ENGASE: variants seen among roughly 807,000 people sequenced by gnomAD.
ENGASE encodes the protein cytosolic endo-beta-N-acetylglucosaminidase.
Under a neutral mutation model 78.5 loss-of-function variants are expected in ENGASE, and 69 were observed. That is an observed-to-expected ratio of 0.88 (90% confidence interval 0.72 to 1.07). The LOEUF (loss-of-function observed/expected upper bound fraction) is 1.07, where lower values mean the gene tolerates loss of function less well. ENGASE is among the 50% of genes least tolerant of loss of function. The pLI is 0.00. For synonymous variants in ENGASE, 408 were observed against 408.9 expected, an observed-to-expected ratio of 1.00 and a Z score of 0.03; for missense variants, 943 against 988.4, an observed-to-expected ratio of 0.95 and a Z score of 0.62.
chr17:79,086,760 A>G lies in ENGASE; in HGVS notation c.*411A>G, dbSNP rs2073324687. 1 of 367,198 alleles carries G rather than the reference A, an allele frequency of 2.7e-6. No individual in the cohort carries two copies. Among genetic ancestry groups the G allele is most frequent in the Admixed American group, 3.7e-5 (1 of 27,222 alleles). 22.7% of individuals were successfully genotyped at this position (367,198 alleles called of 1,614,324 possible). On this transcript the variant is annotated 3_prime_UTR_variant, in exon 14 of 14. Coordinates refer to ENST00000579016, the MANE Select transcript of ENGASE (RefSeq NM_001042573.3). ...ATGAAACTATTAGAAAGGGTCTTAG[A>G]TTGTGGCAGGTAGGCTTTGGAGCAG...
At chr17:79,082,616 G>A (rs60634179) in intron 7 of ENGASE, 22 of 1,284,012 alleles carry the variant, frequency 1.7e-5, no homozygotes, top group African/African-American at 1.1e-4. Context: ...AGTCCTGCCC[G>A]TTCCCAGAGC....
chr17:79,081,723 C>T (rs903274568), intron 6 of ENGASE, among the ~76,000 whole-genome samples, 175 bp from the exon 7 acceptor site: 1 of 116,996 alleles, frequency 8.5e-6, no homozygotes, highest in African/African-American at 3.3e-5. Flanking sequence ...TCCCTCTGGG[C>T]TCTAGGAGGG....
Position 79,084,584 on chromosome 17 carries a change from A to C in ENGASE, c.1489A>C (p.Met497Leu), listed in dbSNP as rs1336646262. 1.2e-6 allele frequency: 2 copies of C among 1,605,194 alleles called. No individual in the cohort carries two copies. Among genetic ancestry groups the C allele is most frequent in the African/African-American group, 2.7e-5 (2 of 74,220 alleles). The part of the protein sequence containing the change: ...APVPPKIYLS[M>L]VYKLEGPTDV... ...AGTGCCACCCAAGATTTACCTGTCCATGGTGTATAAGCTTGAGGGGCCCAC... is the reference window on the plus strand; with the variant it reads ...AGTGCCACCCAAGATTTACCTGTCCCTGGTGTATAAGCTTGAGGGGCCCAC... Residue 497 changes from methionine to leucine, a missense_variant, in exon 11 of 14, where the codon ATG becomes CTG. By Grantham distance (15) the Met-to-Leu change is conservative (BLOSUM62 2). Coordinates refer to ENST00000579016, the MANE Select transcript of ENGASE (RefSeq NM_001042573.3).
chr17:79,086,848 G>A lies in ENGASE; in HGVS notation c.*499G>A, dbSNP rs765114161. On this transcript the variant is annotated 3_prime_UTR_variant, in exon 14 of 14. Transcript: ENST00000579016. ...CAGCTCCTGGGGTGGGGCTGCCTGC[G>A]GGATGGCGGGAGAGGATGCCCTGGA... The A allele has an allele frequency of 9.2e-6, 4 of 435,334 alleles. No homozygotes were observed. The highest frequency in any genetic ancestry group is 2.0e-5 in the African/African-American group (1 of 49,450). The allele number at this position is 435,334 out of a possible 1,614,324, so 27.0% of individuals were successfully genotyped here.
In ENGASE at chr17:79,081,821, C is replaced by T. The variant is rs906151851; in HGVS notation, c.873-77C>T. 7.9e-6 allele frequency: 12 copies of T among 1,525,974 alleles called. No homozygotes were observed. In the South Asian group the frequency reaches 1.4e-4, roughly 18 times the overall value. The allele number at this position is 1,525,974 out of a possible 1,614,324, so 94.5% of individuals were successfully genotyped here. On this transcript the variant is annotated intron_variant, in intron 6 of 13. Coordinates refer to ENST00000579016, the MANE Select transcript of ENGASE (RefSeq NM_001042573.3). ...CCTCTGAGTACTAGGAGGGGAAAGG[C>T]TGAGACTGCAGGGTTGGTGGGGGTG...
Position 79,080,839 on chromosome 17 carries a change from TCC to T in ENGASE, c.724-82_724-81del, listed in dbSNP as rs1387209838. 1.3e-5 allele frequency: 19 copies of T among 1,498,642 alleles called. No individual in the cohort carries two copies. In the East Asian group the frequency reaches 2.9e-4, roughly 23 times the overall value. 92.8% of individuals were successfully genotyped at this position (1,498,642 alleles called of 1,614,324 possible). ...CGCCTGTGGGTCTGTTTGCTCTGCA[TCC>T]CCCTGTCTGTCCAGCGCTGGATACT... On this transcript the variant is annotated intron_variant, in intron 5 of 13. Transcript: ENST00000579016.
intron 10 of ENGASE, 23 bp from the exon 11 acceptor site, chr17:79,084,515 C>A: frequency 6.5e-7 from 1 of 1,549,836 alleles, no homozygotes; most frequent in Non-Finnish European, 8.7e-7. Flanking sequence ...CCACGGCACC[C>A]ATCACAGGAC....
chr17:79,076,959 G>C (rs1420372508), intron 1 of ENGASE, among the ~76,000 whole-genome samples: 2 of 152,108 alleles, frequency 1.3e-5, no homozygotes, highest in Non-Finnish European at 2.9e-5. Context: ...TGCAACCTTC[G>C]CCTCCCAGGT....
Position 79,084,589 on chromosome 17 carries a change from G to C in ENGASE, c.1494G>C (p.Val498=), listed in dbSNP as rs769039233. ...PVPPKIYLSM[V]YKLEGPTDVT... ...CACCCAAGATTTACCTGTCCATGGT[G>C]TATAAGCTTGAGGGGCCCACGGACG... Residue 498 remains valine, a synonymous_variant, in exon 11 of 14, where the codon GTG becomes GTC. Coordinates refer to ENST00000579016, the MANE Select transcript of ENGASE (RefSeq NM_001042573.3). 1 of 1,609,974 alleles carries C rather than the reference G, an allele frequency of 6.2e-7. No homozygotes were observed. The highest frequency in any genetic ancestry group is 1.7e-5 in the Admixed American group (1 of 58,722).
At position 79,077,644 on chromosome 17, in the gene ENGASE, G is replaced by A. The variant is rs1402528115; in HGVS notation, c.215-19G>A. The A allele has an allele frequency of 2.5e-6, 4 of 1,612,926 alleles. No individual in the cohort carries two copies. On this transcript the variant is annotated intron_variant, in intron 2 of 13. Transcript: ENST00000579016. ...TAATAGTTTCCATTAATTGCTCAATGTTTCTGTCCTCGGACCAGTTAGATA... is the reference window on the plus strand; with the variant it reads ...TAATAGTTTCCATTAATTGCTCAATATTTCTGTCCTCGGACCAGTTAGATA...
Position 79,083,965 on chromosome 17 carries a change from G to A in ENGASE, c.1442+14G>A, listed in dbSNP as rs765396027. The stretch of plus-strand genomic sequence containing the variant: ...TGTGGCTGTGAGGTGGGTGAGTGAC[G>A]GAGGACGGTGGGCCCACCAGCTTCT... On this transcript the variant is annotated intron_variant, in intron 10 of 13. Coordinates refer to ENST00000579016, the MANE Select transcript of ENGASE (RefSeq NM_001042573.3). The surrounding 1 kb of genome is among the most constrained non-coding windows in gnomAD (Gnocchi z 4.9). The A allele has an allele frequency of 1.4e-4, 221 of 1,605,318 alleles. 1 individual carries two copies. The highest frequency in any genetic ancestry group is 9.3e-4 in the South Asian group (84 of 90,494).
rs549013604 is a variant in ENGASE, at chr17:79,085,435, C to T, written c.1700+93C>T. On this transcript the variant is annotated intron_variant, in intron 12 of 13. Coordinates refer to ENST00000579016, the MANE Select transcript of ENGASE (RefSeq NM_001042573.3). ...GAGGGATGGAGGGGCCCTGGGCTGG[C>T]CCCCAGGTTTTGGGCAGCTCTGAGA... is the stretch of plus-strand genomic sequence containing the variant. 8.8e-4 allele frequency: 1,180 copies of T among 1,342,146 alleles called. 1 individual carries two copies. Among genetic ancestry groups the T allele is most frequent in the Non-Finnish European group, 1.1e-3 (1,078 of 987,260 alleles). The allele number at this position is 1,342,146 out of a possible 1,614,324, so 83.1% of individuals were successfully genotyped here.
At position 79,087,035 on chromosome 17, in the gene ENGASE, G is replaced by A. The variant is rs754866773; in HGVS notation, c.*686G>A. 13 of 491,138 alleles carry A rather than the reference G, an allele frequency of 2.6e-5. No individual in the cohort carries two copies. In the East Asian group the frequency reaches 5.3e-4, roughly 20 times the overall value. 30.4% of individuals were successfully genotyped at this position (491,138 alleles called of 1,614,324 possible). ...CTGAGTGTGAGGTCATCTCCGGAGC[G>A]TTTTCAGCAGCCCCTGGCTCTGCGG... is the stretch of plus-strand genomic sequence containing the variant. On this transcript the variant is annotated 3_prime_UTR_variant, in exon 14 of 14. Transcript: ENST00000579016.
chr17:79,086,822 G>T lies in ENGASE; in HGVS notation c.*473G>T, dbSNP rs2073326550. On this transcript the variant is annotated 3_prime_UTR_variant, in exon 14 of 14. Coordinates refer to ENST00000579016, the MANE Select transcript of ENGASE (RefSeq NM_001042573.3). ...TTTCTGAGCATGAGGACGAGCTACA[G>T]CAGCTCCTGGGGTGGGGCTGCCTGC... 2.4e-6 allele frequency: 1 copy of T among 412,010 alleles called. No homozygotes were observed. Among genetic ancestry groups the T allele is most frequent in the Non-Finnish European group, 4.9e-6 (1 of 204,840 alleles). The allele number at this position is 412,010 out of a possible 1,614,324, so 25.5% of individuals were successfully genotyped here. A position where few individuals can be genotyped will look rare whatever the true frequency, so the allele number is the denominator to read the frequency against.
intron 1 of ENGASE, 74 bp from the exon 2 acceptor site, chr17:79,077,356 T>C (rs1373158097): frequency 1.6e-6 from 2 of 1,287,222 alleles, no homozygotes; most frequent in East Asian, 2.5e-5. Context: ...TAGATGAAAC[T>C]GGTCCATTTG....
chr17:79,082,523 C>T, intron 7 of ENGASE: 1 of 1,204,860 alleles, frequency 8.3e-7, no homozygotes, highest in African/African-American at 1.6e-5. Context: ...CAAGGCAGGT[C>T]ACACCAGCAC....
chr17:79,084,098 A>T (rs1486799121), intron 10 of ENGASE, 147 bp downstream of exon 10: 4 of 684,624 alleles, frequency 5.8e-6, no homozygotes, highest in African/African-American at 1.8e-5. Flanking sequence ...TCAAAAATGC[A>T]TTAACGTGAA....
At position 79,084,568 on chromosome 17, in the gene ENGASE, C is replaced by A; in HGVS notation, c.1473C>A (p.Pro491=). Residue 491 remains proline, a synonymous_variant, in exon 11 of 14, where the codon CCC becomes CCA. Transcript: ENST00000579016. ...TTTCCCTGCAGGCCCCAGTGCCACCCAAGATTTACCTGTCCATGGTGTATA... is the reference window on the plus strand; with the variant it reads ...TTTCCCTGCAGGCCCCAGTGCCACCAAAGATTTACCTGTCCATGGTGTATA... The part of the protein sequence containing the change: ...RLFSLQAPVP[P]KIYLSMVYKL... 6.3e-7 allele frequency: 1 copy of A among 1,593,716 alleles called. No homozygotes were observed. The highest frequency in any genetic ancestry group is 1.1e-5 in the South Asian group (1 of 87,716).
intron 3 of ENGASE, 42 bp from the exon 4 acceptor site, chr17:79,079,447 C>T (rs758741817): frequency 3.8e-6 from 6 of 1,593,892 alleles, no homozygotes; most frequent in Non-Finnish European, 5.1e-6. Flanking sequence ...GGAATAAAGG[C>T]ATGAGCTGCC....
Sources: allele counts gnomAD v4.1 joint callset (sites outside exome capture counted in the v4.1 genomes callset), GRCh38; gene constraint gnomAD v4.1.1; non-coding constraint Gnocchi (gnomAD v3.1); transcripts MANE v1.5; gene names NCBI Gene and HGNC (gene_info 2026-07-23, HGNC 2026-07-21).